Variants in WDR64 observed in about 807,000 individuals in gnomAD.
WDR64 encodes the protein WD repeat domain 64, also known as WD repeat-containing protein 64.
A neutral mutation model predicts 139.3 loss-of-function variants in WDR64; 112 were observed. The ratio of observed to expected loss-of-function variants is 0.80; its 90% CI spans 0.69 to 0.94. WDR64 has a LOEUF of 0.94. Ranked by LOEUF, WDR64 falls within the 40% of genes least tolerant of loss-of-function variation. The pLI, the probability that WDR64 is intolerant of heterozygous loss-of-function variation, is 0.00. For missense variants in WDR64, 1,206 were observed against 1,293.1 expected (o/e 0.93, Z 1.03); for synonymous variants, 444 against 437.7 (o/e 1.01, Z -0.18).
chr1:241,660,982 A>G (rs1215404541), intron 2 of WDR64, among the ~76,000 whole-genome samples: 1 of 152,208 alleles, frequency 6.6e-6, no homozygotes, highest in African/African-American at 2.4e-5. Context: ...TTTCTTTTCA[A>G]TGGGTTCAAT....
intron 12 of WDR64, among the ~76,000 whole-genome samples, chr1:241,743,400 C>T (rs1336085254): frequency 6.6e-6 from 1 of 152,146 alleles, no homozygotes; most frequent in African/African-American, 2.4e-5. Context: ...ACTCTAGGGC[C>T]AGACTGACTT....
rs1665696144 is a variant in WDR64 at position 241,658,482 on chromosome 1, A to G, written c.146-2048A>G. Among the ~76,000 whole-genome samples the G allele has an allele frequency of 2.6e-5, 4 of 152,036 alleles. No individual in the cohort carries two copies. In the South Asian group the frequency reaches 8.3e-4, roughly 32 times the overall value. ...TAGTGAGACCCTGTCTCTGCAAAAA[A>G]TAAAATATTAGGTGGGTGTGGTGGT... On this transcript the variant is annotated intron_variant, in intron 1 of 27. Transcript: ENST00000437684.
At chr1:241,699,244 A>G (rs913905765) in intron 8 of WDR64, among the ~76,000 whole-genome samples, 4 of 152,162 alleles carry the variant, frequency 2.6e-5, no homozygotes, top group Admixed American at 2.6e-4. Flanking sequence ...TCTTTATAAG[A>G]CACTAAGATT....
chr1:241,660,428 T>G, intron 1 of WDR64, 102 bp from the exon 2 acceptor site: 1 of 1,394,780 alleles, frequency 7.2e-7, no homozygotes, highest in Non-Finnish European at 9.7e-7. Context: ...TTTTATAGAT[T>G]GAGAAAAGAA....
chr1:241,778,344 C>T (rs977822743), intron 21 of WDR64, among the ~76,000 whole-genome samples: 3 of 152,074 alleles, frequency 2.0e-5, no homozygotes, highest in African/African-American at 7.2e-5. Flanking sequence ...TTAGTGTTAG[C>T]GTGGTATATC....
chr1:241,694,888 A>G (rs191207564), intron 8 of WDR64, among the ~76,000 whole-genome samples: 5 of 152,314 alleles, frequency 3.3e-5, no homozygotes, highest in Admixed American at 2.0e-4. Flanking sequence ...GTAAGTCACT[A>G]TGGGATAAGC....
At chr1:241,690,905 A>G (rs906386446) in intron 8 of WDR64, among the ~76,000 whole-genome samples, 2 of 152,198 alleles carry the variant, frequency 1.3e-5, no homozygotes, top group African/African-American at 4.8e-5. Context: ...AATGACAGCA[A>G]TGTATTCAAT....
intron 8 of WDR64, among the ~76,000 whole-genome samples, chr1:241,695,146 C>T (rs1425303006): frequency 6.6e-6 from 1 of 152,064 alleles, no homozygotes; most frequent in Non-Finnish European, 1.5e-5. Flanking sequence ...TGACATCATT[C>T]AAAATTGAAT....
intron 21 of WDR64, among the ~76,000 whole-genome samples, chr1:241,779,752 C>T (rs917579469): frequency 1.3e-5 from 2 of 152,090 alleles, no homozygotes; most frequent in African/African-American, 4.8e-5. Flanking sequence ...ATTGCTTGAA[C>T]CCAGGAGGCA....
intron 21 of WDR64, among the ~76,000 whole-genome samples, chr1:241,779,001 T>C (rs1046365142): frequency 2.0e-5 from 3 of 152,158 alleles, no homozygotes; most frequent in African/African-American, 4.8e-5. Context: ...TTTAAACCTA[T>C]ATCATTTTTC....
chr1:241,766,193 G>C, intron 15 of WDR64, 25 bp from the exon 16 acceptor site: 3 of 1,610,786 alleles, frequency 1.9e-6, no homozygotes, highest in Non-Finnish European at 2.5e-6. Flanking sequence ...TATATTTATG[G>C]TGTTCTGTTT....
intron 21 of WDR64, among the ~76,000 whole-genome samples, chr1:241,779,157 G>GT (rs1658761214): frequency 6.6e-6 from 1 of 151,802 alleles, no homozygotes; most frequent in Non-Finnish European, 1.5e-5. Flanking sequence ...AGGTTGGTCG[G>GT]TTTTTTCTCT....
chr1:241,668,770 A>G (rs748638515), intron 2 of WDR64, among the ~76,000 whole-genome samples: 16 of 152,176 alleles, frequency 1.1e-4, no homozygotes, highest in South Asian at 4.1e-4. Context: ...TTAGCCAGGC[A>G]TGATGGCACA....
chr1:241,682,651 A>G (rs766770197), intron 6 of WDR64, among the ~76,000 whole-genome samples: 22 of 152,138 alleles, frequency 1.4e-4, no homozygotes, highest in Admixed American at 2.6e-4. Context: ...TTTTTTTTCT[A>G]GTTCAGTGAA....
chr1:241,775,859 A>G (rs1658638952), intron 21 of WDR64, among the ~76,000 whole-genome samples: 1 of 152,182 alleles, frequency 6.6e-6, no homozygotes, highest in South Asian at 2.1e-4. Flanking sequence ...ATAAAACAGC[A>G]TATTTTCAGT....
At chr1:241,675,013 CTTTCTTCT>C (rs1558465849) in intron 4 of WDR64, among the ~76,000 whole-genome samples, 2 of 42,230 alleles carry the variant, frequency 4.7e-5, no homozygotes, top group Non-Finnish European at 1.2e-4. Flanking sequence ...CTCTTCCTTC[CTTTCTTCT>C]TCCTTCCCTC....
intron 20 of WDR64, among the ~76,000 whole-genome samples, chr1:241,773,925 T>A (rs956918107): frequency 6.6e-6 from 1 of 152,220 alleles, no homozygotes; most frequent in African/African-American, 2.4e-5. Context: ...AACACTGAAA[T>A]GTTGAGTATA....
chr1:241,758,982 T>C (rs560680056), intron 15 of WDR64, among the ~76,000 whole-genome samples: 2 of 152,316 alleles, frequency 1.3e-5, no homozygotes, highest in South Asian at 4.1e-4. Context: ...TAAGGTTATA[T>C]GGCTTTTACT....
chr1:241,713,260 G>A (rs1001351411), intron 9 of WDR64, among the ~76,000 whole-genome samples: 4 of 148,274 alleles, frequency 2.7e-5, no homozygotes, highest in Middle Eastern at 3.2e-3. Context: ...GCAGTGAGCC[G>A]TGACTGTGCC....
Sources: allele counts gnomAD v4.1 joint callset (sites outside exome capture counted in the v4.1 genomes callset), GRCh38; gene constraint gnomAD v4.1.1; transcripts MANE v1.5; gene names NCBI Gene and HGNC (gene_info 2026-07-23, HGNC 2026-07-21).